RADIL: variants seen among roughly 807,000 people sequenced by gnomAD.
The protein encoded by RADIL is ras-associating and dilute domain-containing protein.
Under a neutral mutation model 97.6 loss-of-function variants are expected in RADIL, and 99 were observed. That is an observed-to-expected ratio of 1.01 (90% CI 0.86 to 1.20). RADIL has a LOEUF of 1.20. Ranked by LOEUF, RADIL falls within the 50% of genes most tolerant of loss-of-function variation. The pLI is 0.00. For synonymous variants in RADIL, 803 were observed against 691.8 expected (o/e 1.16, Z -2.52); for missense variants, 1,765 against 1,498.9 (o/e 1.18, Z -2.93).
At chr7:4,833,489 C>T (rs1783205113) in intron 4 of RADIL, among the ~76,000 whole-genome samples, 3 of 152,122 alleles carry the variant, frequency 2.0e-5, no homozygotes, top group Admixed American at 2.0e-4. Context: ...GCCGGGAACC[C>T]GAGGGGAAGA....
intron 2 of RADIL, among the ~76,000 whole-genome samples, chr7:4,876,692 G>C (rs1354792755): frequency 1.3e-5 from 2 of 152,210 alleles, no homozygotes; most frequent in Admixed American, 1.3e-4. Flanking sequence ...CCCAGGCCCC[G>C]GGGCTCTCAA....
chr7:4,861,507 C>G, intron 2 of RADIL: 1 of 1,614,076 alleles, frequency 6.2e-7, no homozygotes, highest in Non-Finnish European at 8.5e-7. Flanking sequence ...CTGTAAGAGC[C>G]AAACGTAAAA....
Position 4,822,367 on chromosome 7 carries a change from G to C in RADIL, c.1615+27C>G. 1 of 1,594,662 alleles carries C rather than the reference G, an allele frequency of 6.3e-7. No individual in the cohort carries two copies. The highest frequency in any genetic ancestry group is 1.1e-5 in the South Asian group (1 of 88,932). On this transcript the variant is annotated intron_variant, in intron 6 of 14. Coordinates refer to ENST00000399583, the MANE Select transcript of RADIL (RefSeq NM_018059.5). The surrounding 1 kb of genome is among the most constrained non-coding windows in gnomAD (Gnocchi z 5.3). ...CTCCCCTGCCTGGGGTGCTGGCGGG[G>C]GGAATGGAGGGCAGCGCCAGCCGTA...
In RADIL at chr7:4,879,569, C is replaced by T. The variant is rs548425703; in HGVS notation, c.-64-1366G>A. On this transcript the variant is annotated intron_variant, in intron 1 of 14. Coordinates refer to ENST00000399583, the MANE Select transcript of RADIL (RefSeq NM_018059.5). The surrounding 1 kb of genome is among the most constrained non-coding windows in gnomAD (Gnocchi z 4.1). ...AGGTCCCAGTGAACACAGCACGGGT[C>T]GCCTGCCACTGCGACCGGGGTCAGT... is the stretch of plus-strand genomic sequence containing the variant. Among the ~76,000 whole-genome samples the T allele has an allele frequency of 3.3e-5, 5 of 152,294 alleles. No individual in the cohort carries two copies. The highest frequency in any genetic ancestry group is 5.9e-5 in the Non-Finnish European group (4 of 68,018).
chr7:4,877,368 G>A (rs116602808), intron 2 of RADIL, among the ~76,000 whole-genome samples: 3,629 of 152,358 alleles, frequency 0.024, 146 homozygotes, highest in African/African-American at 0.084. Context: ...TTGAGCCCAG[G>A]AGGCTGCAGT....
rs554104727 is a variant in RADIL at position 4,807,622 on chromosome 7, C to CT, written c.2140-1907_2140-1906insA. On this transcript the variant is annotated intron_variant, in intron 9 of 14. Coordinates refer to ENST00000399583, the MANE Select transcript of RADIL (RefSeq NM_018059.5). ...TCCTCCCTCTCCTTCTCTCTCCCCC[C>CT]GTCTCCCCTCCCTCCTCCCGCTCCT... Among the ~76,000 whole-genome samples, 31 of 76,104 alleles carry CT rather than the reference C, an allele frequency of 4.1e-4. 1 individual carries two copies. The highest frequency in any genetic ancestry group is 1.6e-3 in the African/African-American group (29 of 17,858). The allele number at this position is 76,104 out of a possible 152,430, so 49.9% of individuals were successfully genotyped here. A position where few individuals can be genotyped will look rare whatever the true frequency, so the allele number is the denominator to read the frequency against.
At chr7:4,812,175 C>T (rs1447544279) in intron 9 of RADIL, among the ~76,000 whole-genome samples, 1 of 152,208 alleles carries the variant, frequency 6.6e-6, no homozygotes, top group East Asian at 1.9e-4. Flanking sequence ...GCTACCACAC[C>T]TGGCCTTTCA....
rs1562443473 is a variant in RADIL, at chr7:4,835,390, C to T, written c.784-151G>A. ...CCTGGCCACCCCCACACCAGAACCC[C>T]GACGGCTCTCAGGAACCCGCCCCTC... On this transcript the variant is annotated intron_variant, in intron 3 of 14. Coordinates refer to ENST00000399583, the MANE Select transcript of RADIL (RefSeq NM_018059.5). This position sits in a 1 kb window ranked among gnomAD's most constrained non-coding sequence, Gnocchi z 5.8. 1 of 1,048,518 alleles carries T rather than the reference C, an allele frequency of 9.5e-7. No homozygotes were observed. Among genetic ancestry groups the T allele is most frequent in the Non-Finnish European group, 1.4e-6 (1 of 732,134 alleles). The allele number at this position is 1,048,518 out of a possible 1,614,324, so 65.0% of individuals were successfully genotyped here. A position where few individuals can be genotyped will look rare whatever the true frequency, so the allele number is the denominator to read the frequency against.
At position 4,817,708 on chromosome 7, in the gene RADIL, G is replaced by A. The variant is rs1174291241; in HGVS notation, c.1616-357C>T. On this transcript the variant is annotated intron_variant, in intron 6 of 14. Transcript: ENST00000399583. The surrounding 1 kb of genome is among the most constrained non-coding windows in gnomAD (Gnocchi z 8.3). ...AGCAGGTCCTAACTGCCTCCCCACA[G>A]GTCACCTCTCACTCGCGACACGGGT... Among the ~76,000 whole-genome samples the A allele has an allele frequency of 6.6e-6, 1 of 152,184 alleles. No individual in the cohort carries two copies. Among genetic ancestry groups the A allele is most frequent in the Non-Finnish European group, 1.5e-5 (1 of 68,020 alleles).
At chr7:4,831,162 G>A (rs1783129089) in intron 5 of RADIL, among the ~76,000 whole-genome samples, 1 of 150,160 alleles carries the variant, frequency 6.7e-6, no homozygotes, top group Non-Finnish European at 1.5e-5. Flanking sequence ...TTGCACTCTA[G>A]CCTGGGCAAC....
rs1033973256 is a variant in RADIL at position 4,797,440 on chromosome 7, G to T, written c.*1938C>A. 19 of 152,218 alleles carry T rather than the reference G, an allele frequency of 1.2e-4. No individual in the cohort carries two copies. The highest frequency in any genetic ancestry group is 1.2e-3 in the Admixed American group (18 of 15,280). The allele number at this position is 152,218 out of a possible 1,614,324, so 9.4% of individuals were successfully genotyped here. ...GAATATTGCAGGGAAGAAGAGATAA[G>T]CCCCCTTCTCTTTGTGGGAGGAACT... On this transcript the variant is annotated 3_prime_UTR_variant, in exon 15 of 15. Transcript: ENST00000399583.
chr7:4,866,967 C>T (rs1175674508), intron 2 of RADIL, among the ~76,000 whole-genome samples: 1 of 152,144 alleles, frequency 6.6e-6, no homozygotes, highest in Non-Finnish European at 1.5e-5. Context: ...AAAGCCAGGG[C>T]ACCCCTCAGG....
Position 4,834,864 on chromosome 7 carries a change from C to A in RADIL, c.1159G>T (p.Gly387Trp), listed in dbSNP as rs750710090. 7.5e-7 allele frequency: 1 copy of A among 1,327,858 alleles called. No individual in the cohort carries two copies. Among genetic ancestry groups the A allele is most frequent in the Non-Finnish European group, 9.6e-7 (1 of 1,038,902 alleles). 82.3% of individuals were successfully genotyped at this position (1,327,858 alleles called of 1,614,324 possible). A position where few individuals can be genotyped will look rare whatever the true frequency, so the allele number is the denominator to read the frequency against. ...GTAGGGGAGGCGGCTCCCCGGGCCC[C>A]GAGCGCGGCCCCGCACAGCCGGCAG... ...QSCRLCGAALGARGAASPTQA... is the reference protein window; with the variant it reads ...QSCRLCGAALWARGAASPTQA... Residue 387 changes from glycine (G) to tryptophan (W), a missense_variant, in exon 4 of 15, where the codon GGG (glycine) becomes TGG (tryptophan). Coordinates refer to ENST00000399583, the MANE Select transcript of RADIL (RefSeq NM_018059.5). The surrounding 1 kb of genome is among the most constrained non-coding windows in gnomAD (Gnocchi z 6.0).
Position 4,818,771 on chromosome 7 carries a change from A to G in RADIL, c.1616-1420T>C, listed in dbSNP as rs538159341. ...CTGCCAGGTCTGAGAACCCAGCCCC[A>G]CATCACTCCCTGGGCAGGGGCGGGG... On this transcript the variant is annotated intron_variant, in intron 6 of 14. Transcript: ENST00000399583. This position sits in a 1 kb window ranked among gnomAD's most constrained non-coding sequence, Gnocchi z 7.1. 6.6e-6 allele frequency among the ~76,000 whole-genome samples: 1 copy of G among 152,228 alleles called. No homozygotes were observed. The highest frequency in any genetic ancestry group is 1.5e-5 in the Non-Finnish European group (1 of 68,004).
At chr7:4,853,465 G>A (rs996099686) in intron 2 of RADIL, among the ~76,000 whole-genome samples, 7 of 152,154 alleles carry the variant, frequency 4.6e-5, no homozygotes, top group East Asian at 1.9e-4. Context: ...GGGGTAGGCC[G>A]GGCATGTTGG....
In RADIL at chr7:4,813,536, G is replaced by A. The variant is rs1782601001; in HGVS notation, c.2139+1742C>T. On this transcript the variant is annotated intron_variant, in intron 9 of 14. Coordinates refer to ENST00000399583, the MANE Select transcript of RADIL (RefSeq NM_018059.5). The surrounding 1 kb of genome is among the most constrained non-coding windows in gnomAD (Gnocchi z 5.0). Reference sequence around the variant, plus strand: ...GCCTCCCTCCTGTGAGATGGCCAGTGCTGTGCTGTTCCAGTTTCTGTTTCC... The same window carrying A: ...GCCTCCCTCCTGTGAGATGGCCAGTACTGTGCTGTTCCAGTTTCTGTTTCC... Among the ~76,000 whole-genome samples, 1 of 152,214 alleles carries A rather than the reference G, an allele frequency of 6.6e-6. No homozygotes were observed. The highest frequency in any genetic ancestry group is 6.5e-5 in the Admixed American group (1 of 15,284).
intron 9 of RADIL, among the ~76,000 whole-genome samples, chr7:4,812,568 C>T (rs545146821): frequency 1.3e-5 from 2 of 152,136 alleles, no homozygotes; most frequent in East Asian, 3.9e-4. Flanking sequence ...ATTACAGGCA[C>T]GTGCCACCAC....
rs539295643 is a variant in RADIL, at chr7:4,837,589, C to G, written c.536-984G>C. Among the ~76,000 whole-genome samples, 80 of 152,090 alleles carry G rather than the reference C, an allele frequency of 5.3e-4. No individual in the cohort carries two copies. The highest frequency in any genetic ancestry group is 1.9e-3 in the African/African-American group (77 of 41,490). On this transcript the variant is annotated intron_variant, in intron 2 of 14. Coordinates refer to ENST00000399583, the MANE Select transcript of RADIL (RefSeq NM_018059.5). This position sits in a 1 kb window ranked among gnomAD's most constrained non-coding sequence, Gnocchi z 5.6. ...CACATGCCCACAAATACACATGCAC[C>G]CACACAAAAATGCACACACACATGC...
intron 9 of RADIL, among the ~76,000 whole-genome samples, chr7:4,806,190 C>T (rs954276312): frequency 2.6e-5 from 4 of 152,228 alleles, no homozygotes; most frequent in African/African-American, 7.2e-5. Flanking sequence ...CATGCTGTCA[C>T]GCAGGTTGGG....
Sources: allele counts gnomAD v4.1 joint callset (sites outside exome capture counted in the v4.1 genomes callset), GRCh38; gene constraint gnomAD v4.1.1; non-coding constraint Gnocchi (gnomAD v3.1); transcripts MANE v1.5; gene names NCBI Gene and HGNC (gene_info 2026-07-23, HGNC 2026-07-21).